Variants in TBC1D2 observed in about 807,000 individuals in gnomAD.
TBC1D2 encodes TBC1 domain family member 2.
A neutral mutation model predicts 91.1 loss-of-function variants in TBC1D2; 58 were observed. The ratio of observed to expected loss-of-function variants is 0.64; its 90% confidence interval spans 0.52 to 0.79. The LOEUF (loss-of-function observed/expected upper bound fraction) is 0.79. Among genes scored for constraint, TBC1D2 ranks in the 30% least tolerant of loss-of-function variants. The pLI is 0.00. For synonymous variants in TBC1D2, 482 were observed against 511.5 expected (o/e 0.94, Z 0.78); for missense variants, 1,080 against 1,208.3 (o/e 0.89, Z 1.57).
At chr9:98,240,945 G>A (rs1441907206) in intron 3 of TBC1D2, among the ~76,000 whole-genome samples, 1 of 152,154 alleles carries the variant, frequency 6.6e-6, no homozygotes, top group African/African-American at 2.4e-5. Flanking sequence ...TGGCCAGCAT[G>A]GGAGTGGTGA....
chr9:98,223,612 C>T (rs1036466704), intron 5 of TBC1D2, among the ~76,000 whole-genome samples: 2 of 149,230 alleles, frequency 1.3e-5, no homozygotes, highest in African/African-American at 2.5e-5. Context: ...AGGAGCAGGA[C>T]CAGTGGGTGT....
At chr9:98,250,916 G>A (rs1414920914) in intron 2 of TBC1D2, among the ~76,000 whole-genome samples, 4 of 152,170 alleles carry the variant, frequency 2.6e-5, no homozygotes. Context: ...GATGATCCAG[G>A]ATTTGGGATC....
chr9:98,201,717 C>T, intron 10 of TBC1D2, 53 bp from the exon 11 acceptor site: 1 of 1,528,732 alleles, frequency 6.5e-7, no homozygotes, highest in Non-Finnish European at 8.9e-7. Context: ...AGGGCTGCCT[C>T]CCTCCCTGCC....
intron 2 of TBC1D2, among the ~76,000 whole-genome samples, chr9:98,248,899 A>C (rs1829817364): frequency 6.6e-6 from 1 of 152,226 alleles, no homozygotes; most frequent in South Asian, 2.1e-4. Flanking sequence ...GCATAAAATA[A>C]AGTTGTAAAT....
chr9:98,232,512 C>A (rs1346494288), intron 4 of TBC1D2, among the ~76,000 whole-genome samples: 2 of 151,904 alleles, frequency 1.3e-5, no homozygotes, highest in East Asian at 3.9e-4. Flanking sequence ...AAGACAGGGT[C>A]TCCCTGTGTT....
At chr9:98,208,387 C>T (rs778839728) in intron 9 of TBC1D2, among the ~76,000 whole-genome samples, 2 of 152,188 alleles carry the variant, frequency 1.3e-5, no homozygotes, top group Non-Finnish European at 1.5e-5. Context: ...GAAACTGCTC[C>T]ACCTCAGATC....
intron 3 of TBC1D2, among the ~76,000 whole-genome samples, chr9:98,236,289 T>A (rs1829502911): frequency 6.6e-6 from 1 of 151,978 alleles, no homozygotes; most frequent in Non-Finnish European, 1.5e-5. Context: ...AATGGCACGA[T>A]CTCGGCTCAC....
At chr9:98,238,183 C>G (rs1324882774) in intron 3 of TBC1D2, among the ~76,000 whole-genome samples, 1 of 136,602 alleles carries the variant, frequency 7.3e-6, no homozygotes, top group Non-Finnish European at 1.5e-5. Flanking sequence ...GGATTACAGG[C>G]GTGAGCCCCT....
chr9:98,232,932 C>T (rs571146094), intron 4 of TBC1D2, among the ~76,000 whole-genome samples: 4 of 152,324 alleles, frequency 2.6e-5, no homozygotes, highest in Admixed American at 2.6e-4. Flanking sequence ...GTTCTCCTGC[C>T]TCAGCCTCCT....
rs1291419616 is a variant in TBC1D2, at chr9:98,208,876, T to C, written c.1942A>G (p.Thr648Ala). 6 of 1,613,372 alleles carry C rather than the reference T, an allele frequency of 3.7e-6. No homozygotes were observed. Among genetic ancestry groups the C allele is most frequent in the Middle Eastern group, 3.3e-4 (2 of 6,084 alleles). ...LVHLRVQHLH[T>A]PGCYQELLSR... ...AGCAGTTCCTGGTAGCAGCCTGGAG[T>C]GTGCAGGTGCTGGACACGGAGGTGG... Residue 648 changes from threonine (T) to alanine (A), a missense_variant, in exon 9 of 13, where the codon ACT becomes GCT. Transcript: ENST00000465784.
chr9:98,218,655 ACT>A (rs1829026261), intron 6 of TBC1D2, among the ~76,000 whole-genome samples: 1 of 152,162 alleles, frequency 6.6e-6, no homozygotes, highest in Admixed American at 6.5e-5. Flanking sequence ...ATTACAATCA[ACT>A]CTCAGGCTGT....
intron 5 of TBC1D2, among the ~76,000 whole-genome samples, chr9:98,227,890 G>A (rs1458388792): frequency 1.3e-5 from 2 of 152,136 alleles, no homozygotes; most frequent in Non-Finnish European, 2.9e-5. Flanking sequence ...AAAGGCAGAC[G>A]AGGGGCCAAA....
intron 5 of TBC1D2, among the ~76,000 whole-genome samples, chr9:98,227,911 G>C (rs1829274544): frequency 6.6e-6 from 1 of 152,162 alleles, no homozygotes; most frequent in East Asian, 1.9e-4. Flanking sequence ...CTAGGTATAG[G>C]GAGAGCATTT....
chr9:98,206,388 G>A (rs1036698779), intron 9 of TBC1D2, among the ~76,000 whole-genome samples: 5 of 152,174 alleles, frequency 3.3e-5, no homozygotes, highest in Non-Finnish European at 7.4e-5. Flanking sequence ...GGGACCTTCC[G>A]CCTCTCTTGG....
chr9:98,233,691 A>C, intron 3 of TBC1D2, 142 bp from the exon 4 acceptor site: 1 of 1,229,928 alleles, frequency 8.1e-7, no homozygotes, highest in Non-Finnish European at 1.1e-6. Flanking sequence ...CAGGCACCCT[A>C]CATGATGCCT....
chr9:98,209,316 A>G (rs1438208353), intron 8 of TBC1D2, among the ~76,000 whole-genome samples, 172 bp from the exon 9 acceptor site: 3 of 152,134 alleles, frequency 2.0e-5, no homozygotes, highest in African/African-American at 4.8e-5. Flanking sequence ...GCGAATCTGT[A>G]TAATGCATAT....
rs751138620 is a variant in TBC1D2 at position 98,255,491 on chromosome 9, C to G, written c.51G>C (p.Gly17=). The G allele has an allele frequency of 6.4e-7, 1 of 1,565,018 alleles. No individual in the cohort carries two copies. Among genetic ancestry groups the G allele is most frequent in the African/African-American group, 1.4e-5 (1 of 73,908 alleles). ...GTGGATCCCTGGCAGACTCTTCGGA[C>G]CCAGGGGCAGAGGAGCTGGACTCCG... ...NAPESSSSAP[G]SEESARDPQV... The change falls in exon 1 of 13, where the codon GGG becomes GGC. Residue 17 remains glycine (G), a synonymous_variant. Coordinates refer to ENST00000465784, the MANE Select transcript of TBC1D2 (RefSeq NM_001267571.2).
chr9:98,241,224 T>C (rs1344964333), intron 3 of TBC1D2, among the ~76,000 whole-genome samples: 1 of 152,186 alleles, frequency 6.6e-6, no homozygotes, highest in Non-Finnish European at 1.5e-5. Flanking sequence ...ACAGAGCAAG[T>C]AGGCAGTGGG....
chr9:98,231,817 C>A (rs1829376681), intron 4 of TBC1D2, among the ~76,000 whole-genome samples: 1 of 152,036 alleles, frequency 6.6e-6, no homozygotes. Context: ...TTAAATAGGT[C>A]AAGGTAGGTA....
Sources: gnomAD v4.1 joint callset for allele counts (sites outside exome capture counted in the v4.1 genomes callset) on GRCh38, gnomAD v4.1.1 for gene constraint, MANE v1.5 for transcripts, NCBI Gene and HGNC (gene_info 2026-07-23, HGNC 2026-07-21) for gene names.